The following KIAA1671 variants were observed in gnomAD, a reference collection of about 807,000 sequenced individuals.
The protein encoded by KIAA1671 is KIAA1671.
A neutral mutation model predicts 131.2 loss-of-function variants in KIAA1671; 52 were observed. The observed-to-expected ratio is 0.40, with a 90% CI of 0.32 to 0.50. The LOEUF is 0.50. Among genes scored for constraint, KIAA1671 ranks in the 20% least tolerant of loss-of-function variants. The pLI is 0.73. For missense variants in KIAA1671, 2,360 were observed against 2,364.2 expected, an observed-to-expected ratio of 1.00 and a Z score of 0.04; for synonymous variants, 1,003 against 961.6, an observed-to-expected ratio of 1.04 and a Z score of -0.80.
intron 1 of KIAA1671, chr22:25,012,360 C>T (rs1372053899): frequency 4.0e-5 from 6 of 151,856 alleles, no homozygotes; most frequent in Non-Finnish European, 5.9e-5. Context: ...GCAACCTCTG[C>T]CTCCCCAGTT....
At chr22:25,093,824 T>TCTCTCTCTCTTTCTCTCTC (rs1555877745) in intron 6 of KIAA1671, among the ~76,000 whole-genome samples, 1 of 21,922 alleles carries the variant, frequency 4.6e-5, no homozygotes, top group Non-Finnish European at 8.3e-5. Flanking sequence ...CTCTCTCTCT[T>TCTCTCTCTCTTTCTCTCTC]TCTCTCTCTG....
intron 2 of KIAA1671, 52 bp from the exon 3 acceptor site, chr22:25,027,893 C>T: frequency 1.1e-6 from 1 of 892,368 alleles, no homozygotes. Context: ...TGCTTCAACC[C>T]AGACACTGAC....
chr22:25,180,104 G>C (rs2146032296), intron 9 of KIAA1671, among the ~76,000 whole-genome samples: 1 of 129,188 alleles, frequency 7.7e-6, no homozygotes, highest in East Asian at 2.6e-4. Flanking sequence ...TGTGGCAGGA[G>C]CATCCCTAAA....
At chr22:25,066,678 G>A (rs1025333099) in intron 6 of KIAA1671, among the ~76,000 whole-genome samples, 3 of 152,154 alleles carry the variant, frequency 2.0e-5, no homozygotes, top group Non-Finnish European at 2.9e-5. Context: ...AAATATGGTC[G>A]CATTTGCAGG....
At chr22:25,014,444 T>C (rs1356468082) in intron 1 of KIAA1671, 1 of 152,254 alleles carries the variant, frequency 6.6e-6, no homozygotes, top group East Asian at 1.9e-4. Flanking sequence ...GGTCTTACTC[T>C]GTCACCCAGG....
chr22:25,185,291 G>A (rs1934438095), intron 11 of KIAA1671, 172 bp downstream of exon 11: 3 of 752,420 alleles, frequency 4.0e-6, no homozygotes, highest in Non-Finnish European at 6.1e-6. Context: ...TACCTAAAAA[G>A]TACAACAGAG....
At chr22:25,029,743 C>T (rs1602080593) in intron 3 of KIAA1671, among the ~76,000 whole-genome samples, 1 of 152,206 alleles carries the variant, frequency 6.6e-6, no homozygotes, top group South Asian at 2.1e-4. Flanking sequence ...TATGGCCAGC[C>T]GGGGGGCCCG....
intron 1 of KIAA1671, chr22:25,011,672 C>CT (rs1179264522): frequency 8.0e-6 from 1 of 125,036 alleles, no homozygotes; most frequent in East Asian, 2.3e-4. Context: ...GAGTTTTGCT[C>CT]TGTCGCCCAG....
chr22:25,159,340 G>A (rs1933356608), intron 6 of KIAA1671, among the ~76,000 whole-genome samples: 1 of 152,162 alleles, frequency 6.6e-6, no homozygotes, highest in African/African-American at 2.4e-5. Flanking sequence ...CTGCCCTGCA[G>A]AGCTGGGGCT....
At chr22:25,092,501 G>C (rs1930070940) in intron 6 of KIAA1671, among the ~76,000 whole-genome samples, 1 of 152,134 alleles carries the variant, frequency 6.6e-6, no homozygotes, top group Non-Finnish European at 1.5e-5. Flanking sequence ...GAGCATTTTT[G>C]GTGGAGGCTA....
At chr22:25,187,471 G>A (rs1036087845) in intron 11 of KIAA1671, among the ~76,000 whole-genome samples, 5 of 135,086 alleles carry the variant, frequency 3.7e-5, no homozygotes, top group African/African-American at 2.6e-5. Context: ...CTTCATAAAC[G>A]TGATTTTTTT....
intron 6 of KIAA1671, among the ~76,000 whole-genome samples, chr22:25,101,972 A>G (rs773018878): frequency 3.3e-5 from 5 of 152,152 alleles, no homozygotes; most frequent in Non-Finnish European, 5.9e-5. Flanking sequence ...GATATAAGGA[A>G]ACGGGAGGTG....
chr22:25,049,260 G>A lies in KIAA1671; in HGVS notation c.4426G>A (p.Ala1476Thr). The A allele has an allele frequency of 6.4e-7, 1 of 1,552,030 alleles. No homozygotes were observed. The highest frequency in any genetic ancestry group is 1.2e-5 in the South Asian group (1 of 84,054). Residue 1476 changes from alanine (A) to threonine (T), a missense_variant, in exon 6 of 13, where the codon GCC (alanine) becomes ACC (threonine). Around this residue, in one of 3 missense-constraint regions of KIAA1671, gnomAD observed 1,161 missense variants for 1,204.7 expected, o/e 0.96. Coordinates refer to ENST00000358431, the MANE Select transcript of KIAA1671 (RefSeq NM_001145206.2). ...GCCACGGGACCTGGAGAAGGAGGATGCCCCCCAGGAGAAGGAGCGACCGCT... is the reference window on the plus strand; with the variant it reads ...GCCACGGGACCTGGAGAAGGAGGATACCCCCCAGGAGAAGGAGCGACCGCT... ...VLPRDLEKEDAPQEKERPLQQ... is the reference protein window; with the variant it reads ...VLPRDLEKEDTPQEKERPLQQ...
At chr22:25,069,238 G>T (rs754254329) in intron 6 of KIAA1671, among the ~76,000 whole-genome samples, 3 of 152,138 alleles carry the variant, frequency 2.0e-5, no homozygotes, top group Non-Finnish European at 4.4e-5. Flanking sequence ...ATTCTACCTT[G>T]TTGAATCCTC....
At chr22:25,177,600 T>C (rs1389538263) in intron 9 of KIAA1671, 78 bp downstream of exon 9, 1 of 1,324,840 alleles carries the variant, frequency 7.5e-7, no homozygotes, top group African/African-American at 1.5e-5. Flanking sequence ...ATGAAAAAAT[T>C]CCTGACTTGG....
At chr22:24,981,572 A>G (rs1401955834) in intron 1 of KIAA1671, among the ~76,000 whole-genome samples, 2 of 152,212 alleles carry the variant, frequency 1.3e-5, no homozygotes, top group Non-Finnish European at 2.9e-5. Flanking sequence ...CTAGAGACTC[A>G]GGCTCAGCTG....
chr22:25,079,534 C>T (rs947874545), intron 6 of KIAA1671, among the ~76,000 whole-genome samples: 2 of 152,116 alleles, frequency 1.3e-5, no homozygotes, highest in African/African-American at 4.8e-5. Context: ...GGGCCTCTGC[C>T]TCTCTAAAAA....
chr22:25,028,537 G>GCCAAGCCCCCCCCCCCCCCCC lies in KIAA1671; in HGVS notation c.546_547insCCCCCCCCCCCCCCCAAGCCC (p.Pro182_Ala183insProProProProProLysPro). 6.5e-7 allele frequency: 1 copy of GCCAAGCCCCCCCCCCCCCCCC among 1,548,282 alleles called. No individual in the cohort carries two copies. Among genetic ancestry groups the GCCAAGCCCCCCCCCCCCCCCC allele is most frequent in the Non-Finnish European group, 8.7e-7 (1 of 1,145,276 alleles). Reference sequence around the variant, plus strand: ...GTCCGGCTCCCGGCCTGAGGTGGCTGCCAAGCCCGCCCTGCCCACCCAGAA... The same window carrying GCCAAGCCCCCCCCCCCCCCCC: ...GTCCGGCTCCCGGCCTGAGGTGGCTGCCAAGCCCCCCCCCCCCCCCCCCAAGCCCGCCCTGCCCACCCAGAA... On this transcript the variant is annotated inframe_insertion, in exon 3 of 13. Transcript: ENST00000358431.
chr22:25,028,253 G>A lies in KIAA1671; in HGVS notation c.254G>A (p.Arg85Gln), dbSNP rs1489552302. 3 of 1,551,470 alleles carry A rather than the reference G, an allele frequency of 1.9e-6. No individual in the cohort carries two copies. The highest frequency in any genetic ancestry group is 2.4e-5 in the South Asian group (2 of 84,066). Residue 85 changes from arginine (R) to glutamine (Q), a missense_variant, in exon 3 of 13, where the codon CGG becomes CAG. By Grantham distance (43) the Arg-to-Gln change is conservative (BLOSUM62 1). This residue lies in a region of KIAA1671 where 1,185 missense variants were observed against 1,126.2 expected (regional missense o/e 1.05). Coordinates refer to ENST00000358431, the MANE Select transcript of KIAA1671 (RefSeq NM_001145206.2). Reference protein sequence around the residue: ...QDVKSPVPSLRPSSTGPSPSG... With the variant: ...QDVKSPVPSLQPSSTGPSPSG... ...GTGAAATCTCCTGTCCCGTCTCTGCGGCCCAGTTCGACTGGACCTTCCCCC... is the reference window on the plus strand; with the variant it reads ...GTGAAATCTCCTGTCCCGTCTCTGCAGCCCAGTTCGACTGGACCTTCCCCC...
Sources: allele counts gnomAD v4.1 joint callset (sites outside exome capture counted in the v4.1 genomes callset), GRCh38; gene constraint gnomAD v4.1.1; regional missense constraint gnomAD v4.1.1; transcripts MANE v1.5; gene names NCBI Gene and HGNC (gene_info 2026-07-23, HGNC 2026-07-21).